The following CABLES1 variants were observed in gnomAD, a reference collection of about 807,000 sequenced individuals.
CABLES1 encodes Cdk5 and Abl enzyme substrate 1, also known as CDK5 and ABL1 enzyme substrate 1.
A neutral mutation model predicts 57.8 loss-of-function variants in CABLES1; 36 were observed. The ratio of observed to expected loss-of-function variants is 0.62; its 90% confidence interval spans 0.48 to 0.82. The LOEUF is 0.82. CABLES1 is among the 40% of genes least tolerant of loss of function. The pLI, the probability that CABLES1 is intolerant of heterozygous loss-of-function variation, is 0.00. For missense variants in CABLES1, 767 were observed against 836.6 expected, an observed-to-expected ratio of 0.92 and a Z score of 1.03; for synonymous variants, 374 against 363.0, an observed-to-expected ratio of 1.03 and a Z score of -0.35.
At chr18:23,139,220 G>A (rs2046842388) in intron 1 of CABLES1, among the ~76,000 whole-genome samples, 1 of 151,892 alleles carries the variant, frequency 6.6e-6, no homozygotes, top group Admixed American at 6.6e-5. Context: ...TGGCCAACAT[G>A]GTGAAACCCC....
chr18:23,174,968 T>C (rs2047112983), intron 1 of CABLES1, among the ~76,000 whole-genome samples: 1 of 151,690 alleles, frequency 6.6e-6, no homozygotes, highest in Non-Finnish European at 1.5e-5. Flanking sequence ...TAACTCACGC[T>C]GCCGCCTAAG....
Position 23,155,772 on chromosome 18 carries a change from G to A in CABLES1, c.845+19165G>A, listed in dbSNP as rs1385784594. 10 of 1,487,702 alleles carry A rather than the reference G, an allele frequency of 6.7e-6. No homozygotes were observed. The East Asian group carries it at 2.4e-4, about 35-fold the overall frequency. 92.2% of individuals were successfully genotyped at this position (1,487,702 alleles called of 1,614,324 possible). A position where few individuals can be genotyped will look rare whatever the true frequency, so the allele number is the denominator to read the frequency against. Reference sequence around the variant, plus strand: ...TTTCCCCTATGGCTTTAAGAAAATGGCTTTTCATTTTGAGTCTTAGGTTTG... The same window carrying A: ...TTTCCCCTATGGCTTTAAGAAAATGACTTTTCATTTTGAGTCTTAGGTTTG... On this transcript the variant is annotated intron_variant, in intron 1 of 9. Transcript: ENST00000256925.
chr18:23,200,832 G>A (rs2047320136), intron 3 of CABLES1, among the ~76,000 whole-genome samples: 1 of 152,244 alleles, frequency 6.6e-6, no homozygotes. Context: ...GAAGGGCCGG[G>A]TGATTGTGAA....
In CABLES1 at chr18:23,226,278, C is replaced by T. The variant is rs145725178; in HGVS notation, c.1089-8330C>T. ...TTAGCCGGGCATGGTGGCATGTGCC[C>T]GTAGTCCCAGCTACTCGGGAGGCTG... On this transcript the variant is annotated intron_variant, in intron 4 of 9. Transcript: ENST00000256925. Among the ~76,000 whole-genome samples the T allele has an allele frequency of 5.8e-3, 889 of 151,976 alleles. 5 individuals carry two copies. The highest frequency in any genetic ancestry group is 0.018 in the African/African-American group (758 of 41,458).
chr18:23,206,699 T>G (rs1744831947), intron 3 of CABLES1, among the ~76,000 whole-genome samples: 1 of 152,258 alleles, frequency 6.6e-6, no homozygotes, highest in African/African-American at 2.4e-5. Context: ...TCATTCCTAT[T>G]TCAACTGCAA....
At position 23,257,444 on chromosome 18, in the gene CABLES1, A is replaced by T; in HGVS notation, c.*77A>T. On this transcript the variant is annotated 3_prime_UTR_variant, in exon 10 of 10. Transcript: ENST00000256925. ...GCACTTACTTACTACTGGAAATGAA[A>T]AAAAGTAGAACTCAGAATACCAGAC... is the stretch of plus-strand genomic sequence containing the variant. The T allele has an allele frequency of 6.9e-7, 1 of 1,452,170 alleles. No homozygotes were observed. Among genetic ancestry groups the T allele is most frequent in the Non-Finnish European group, 9.2e-7 (1 of 1,085,244 alleles). 90.0% of individuals were successfully genotyped at this position (1,452,170 alleles called of 1,614,324 possible).
chr18:23,178,682 C>T (rs2047142481), intron 1 of CABLES1, among the ~76,000 whole-genome samples: 1 of 152,178 alleles, frequency 6.6e-6, no homozygotes, highest in African/African-American at 2.4e-5. Flanking sequence ...GAATTTCTGG[C>T]CAGCTATTAA....
At chr18:23,249,620 C>A (rs748717) in intron 7 of CABLES1, among the ~76,000 whole-genome samples, 75,321 of 152,004 alleles carry the variant, frequency 0.5, 19,094 homozygotes, top group Non-Finnish European at 0.55. Flanking sequence ...TCTCTTTGAT[C>A]TTCAAGATAA....
At chr18:23,207,294 G>A (rs1049911910) in intron 3 of CABLES1, among the ~76,000 whole-genome samples, 9 of 152,210 alleles carry the variant, frequency 5.9e-5, no homozygotes, top group Non-Finnish European at 1.3e-4. Flanking sequence ...ACAGAGGGGA[G>A]TGGAAACGCT....
At chr18:23,209,769 A>G (rs1033090818) in intron 3 of CABLES1, among the ~76,000 whole-genome samples, 3 of 152,030 alleles carry the variant, frequency 2.0e-5, no homozygotes, top group African/African-American at 4.8e-5. Flanking sequence ...TTTTTTGGCA[A>G]AAGAGGAAAT....
rs558318151 is a variant in CABLES1 at position 23,153,079 on chromosome 18, C to T, written c.845+16472C>T. ...CCTCCTGAAGTGCTGGGATTACAGGCGTGAGCCACTACGCCTGGCTGGTCT... is the reference window on the plus strand; with the variant it reads ...CCTCCTGAAGTGCTGGGATTACAGGTGTGAGCCACTACGCCTGGCTGGTCT... On this transcript the variant is annotated intron_variant, in intron 1 of 9. Transcript: ENST00000256925. Among the ~76,000 whole-genome samples, 6 of 151,928 alleles carry T rather than the reference C, an allele frequency of 3.9e-5. No individual in the cohort carries two copies. In the East Asian group the frequency reaches 1.2e-3, roughly 30 times the overall value.
chr18:23,144,849 A>C (rs1478977419), intron 1 of CABLES1, among the ~76,000 whole-genome samples: 1 of 152,082 alleles, frequency 6.6e-6, no homozygotes, highest in Admixed American at 6.5e-5. Context: ...CAATGCTGTA[A>C]GTCAAGGTTT....
chr18:23,134,926 C>A (rs987271108), upstream of CABLES1, among the ~76,000 whole-genome samples: 10 of 152,086 alleles, frequency 6.6e-5, 1 homozygote, highest in East Asian at 1.9e-3. Context: ...TGGTTGTTAG[C>A]GATAGCTTTA....
intron 4 of CABLES1, among the ~76,000 whole-genome samples, chr18:23,217,412 A>T (rs139542653): frequency 7.7e-4 from 117 of 152,240 alleles, no homozygotes; most frequent in African/African-American, 2.6e-3. Context: ...TAACAAAAAA[A>T]TCTTCAGGTC....
chr18:23,236,846 T>C (rs1043270385), intron 6 of CABLES1, among the ~76,000 whole-genome samples: 3 of 152,242 alleles, frequency 2.0e-5, no homozygotes, highest in Admixed American at 2.0e-4. Flanking sequence ...TTCTGCATCT[T>C]GCACGCTGTG....
chr18:23,136,118 G>A lies in CABLES1; in HGVS notation c.356G>A (p.Cys119Tyr). 1 of 1,192,856 alleles carries A rather than the reference G, an allele frequency of 8.4e-7. No individual in the cohort carries two copies. The highest frequency in any genetic ancestry group is 4.5e-5 in the Admixed American group (1 of 22,148). 73.9% of individuals were successfully genotyped at this position (1,192,856 alleles called of 1,614,324 possible). ...CTCGCCGCTGCCGAGCGGGGCGGCT[G>A]CATCGCGCTCGCCGCGCCGGGCACG... The part of the protein sequence containing the change: ...SLLAAAERGG[C>Y]IALAAPGTPA... Residue 119 changes from cysteine to tyrosine, a missense_variant, in exon 1 of 10, where the codon TGC (cysteine) becomes TAC (tyrosine). Physicochemically the swap from Cys to Tyr is radical, Grantham distance 194. Around this residue, in one of 4 missense-constraint regions of CABLES1, gnomAD observed 198 missense variants for 149.7 expected, o/e 1.32. Coordinates refer to ENST00000256925, the MANE Select transcript of CABLES1 (RefSeq NM_001100619.3).
chr18:23,181,262 G>A (rs778116453), intron 1 of CABLES1, among the ~76,000 whole-genome samples: 2 of 152,036 alleles, frequency 1.3e-5, no homozygotes, highest in Non-Finnish European at 2.9e-5. Flanking sequence ...GGGAGGCCTC[G>A]GCGGGTGGAT....
intron 1 of CABLES1, among the ~76,000 whole-genome samples, chr18:23,158,617 T>G (rs1461805935): frequency 6.6e-6 from 1 of 152,216 alleles, no homozygotes; most frequent in Non-Finnish European, 1.5e-5. Flanking sequence ...TGGAGCTTTA[T>G]TTATCCAGTT....
chr18:23,235,291 G>T (rs1275483117), intron 5 of CABLES1, among the ~76,000 whole-genome samples: 5 of 152,232 alleles, frequency 3.3e-5, no homozygotes, highest in African/African-American at 1.2e-4. Context: ...TGGGGAATCT[G>T]TCCCGGGGTA....
Sources: gnomAD v4.1 joint callset for allele counts (sites outside exome capture counted in the v4.1 genomes callset) on GRCh38, gnomAD v4.1.1 for gene constraint, gnomAD v4.1.1 regional missense constraint, MANE v1.5 for transcripts, NCBI Gene and HGNC (gene_info 2026-07-23, HGNC 2026-07-21) for gene names.